Variants in NOTCH3 observed in about 807,000 individuals in gnomAD.
NOTCH3 encodes the protein neurogenic locus notch homolog protein 3.
In NOTCH3, 86 loss-of-function variants were observed where a neutral mutation model predicts 213.3. That is an observed-to-expected ratio of 0.40 (90% CI 0.34 to 0.48). The LOEUF is 0.48. Ranked by LOEUF, NOTCH3 falls within the 20% of genes least tolerant of loss-of-function variation. The pLI is 0.57. For missense variants in NOTCH3, 2,783 were observed against 3,272.6 expected, an observed-to-expected ratio of 0.85 and a Z score of 3.65; for synonymous variants, 1,354 against 1,355.9, an observed-to-expected ratio of 1.00 and a Z score of 0.03.
chr19:15,178,292 C>A (rs1045859551), intron 23 of NOTCH3: 1 of 539,682 alleles, frequency 1.9e-6, no homozygotes, highest in Non-Finnish European at 3.3e-6. Context: ...GGAGACCCCA[C>A]CTGGCAGATA....
chr19:15,192,956 C>T (rs1036881141), intron 2 of NOTCH3, among the ~76,000 whole-genome samples: 1 of 151,998 alleles, frequency 6.6e-6, no homozygotes, highest in Non-Finnish European at 1.5e-5. Flanking sequence ...ATTCATGCAA[C>T]GAATATTTAC....
chr19:15,170,869 C>G (rs199899229), intron 25 of NOTCH3, 44 bp from the exon 26 acceptor site: 2 of 1,603,192 alleles, frequency 1.2e-6, no homozygotes, highest in Non-Finnish European at 8.5e-7. Flanking sequence ...AAAAATTGCC[C>G]GATGCACCCC....
At chr19:15,188,131 T>G in intron 9 of NOTCH3, 104 bp downstream of exon 9, 2 of 1,067,838 alleles carry the variant, frequency 1.9e-6, no homozygotes, top group Non-Finnish European at 2.8e-6. Context: ...ACATATGGTT[T>G]CTATTGTAAG....
intron 12 of NOTCH3, among the ~76,000 whole-genome samples, chr19:15,186,376 TG>T (rs1183893607): frequency 5.6e-4 from 33 of 58,848 alleles, no homozygotes; most frequent in East Asian, 1.8e-3. Context: ...TGTTTGTTTT[TG>T]TATGTGTGTG....
At position 15,179,081 on chromosome 19, in the gene NOTCH3, T is replaced by C. The variant is rs2145417484; in HGVS notation, c.3662A>G (p.Asp1221Gly). The C allele has an allele frequency of 6.2e-7, 1 of 1,614,222 alleles. No individual in the cohort carries two copies. The highest frequency in any genetic ancestry group is 8.5e-7 in the Non-Finnish European group (1 of 1,180,042). ...ACCTCCGCCTGGGTCCTGCAGGCAG[T>C]CCCGGGTGTGTGCCGCGTGGCAGGC... ...SGACHAAHTR[D>G]CLQDPGGGFR... The change falls in exon 22 of 33, where the codon GAC becomes GGC. Residue 1221 changes from aspartate (D) to glycine (G), a missense_variant. Asp to Gly is a moderately conservative substitution (Grantham distance 94). Coordinates refer to ENST00000263388, the MANE Select transcript of NOTCH3 (RefSeq NM_000435.3).
At chr19:15,187,020 A>G in intron 11 of NOTCH3, 32 bp from the exon 12 acceptor site, 1 of 1,608,434 alleles carries the variant, frequency 6.2e-7, no homozygotes, top group South Asian at 1.1e-5. Context: ...TGGAGTGGCC[A>G]CCACTGTGCC....
In NOTCH3 at chr19:15,165,470, C is replaced by G. The variant is rs764558842; in HGVS notation, c.5713G>C (p.Asp1905His). 1.9e-6 allele frequency: 3 copies of G among 1,613,082 alleles called. No homozygotes were observed. The highest frequency in any genetic ancestry group is 2.5e-6 in the Non-Finnish European group (3 of 1,180,036). ...GCCAGGATCAGTGCCGTTGAGCCATCTGCCATGCGGGCATCCAAGTCTGTA... is the reference window on the plus strand; with the variant it reads ...GCCAGGATCAGTGCCGTTGAGCCATGTGCCATGCGGGCATCCAAGTCTGTA... ...RSTDLDARMA[D>H]GSTALILAAR... Residue 1905 changes from aspartate to histidine, a missense_variant, in exon 31 of 33, where the codon GAT (aspartate) becomes CAT (histidine). Transcript: ENST00000263388. This position sits in a 1 kb window ranked among gnomAD's most constrained non-coding sequence, Gnocchi z 4.7.
chr19:15,199,712 C>T (rs1008912494), intron 1 of NOTCH3, among the ~76,000 whole-genome samples: 1 of 152,210 alleles, frequency 6.6e-6, no homozygotes, highest in African/African-American at 2.4e-5. Context: ...GTGTGTGCGC[C>T]GCTGGTCCGG....
At chr19:15,197,446 T>TC (rs974383255) in intron 2 of NOTCH3, 54 bp downstream of exon 2, 78 of 468,756 alleles carry the variant, frequency 1.7e-4, no homozygotes, top group Middle Eastern at 4.2e-4. Context: ...AAATCGCCCC[T>TC]CCCCCCCGCC....
intron 28 of NOTCH3, 109 bp from the exon 29 acceptor site, chr19:15,167,520 C>T (rs2046696045): frequency 2.1e-6 from 2 of 939,010 alleles, no homozygotes; most frequent in African/African-American, 1.6e-5. Flanking sequence ...AGGAGATACA[C>T]ACAGAGCCCT....
rs1037498650 is a variant in NOTCH3, at chr19:15,161,182, C to T, written c.6446G>A (p.Gly2149Glu). The stretch of plus-strand genomic sequence containing the variant: ...TACACATCCTCCAGGGGGCTGGCGC[C>T]CTAGACCCGCCCGGCCTGGGCCACC... ...QLGGPGRAGL[G>E]RQPPGGCVLS... The change falls in exon 33 of 33, where the codon GGG becomes GAG. Residue 2149 changes from glycine (G) to glutamate (E), a missense_variant. Gly to Glu is a moderately conservative substitution (Grantham distance 98). Transcript: ENST00000263388. 3.9e-6 allele frequency: 6 copies of T among 1,539,536 alleles called. No individual in the cohort carries two copies. Among genetic ancestry groups the T allele is most frequent in the African/African-American group, 1.4e-5 (1 of 73,378 alleles).
Position 15,160,409 on chromosome 19 carries a change from TGG to T in NOTCH3, c.*251_*252del. The stretch of plus-strand genomic sequence containing the variant: ...AGAAAGGAATGAGGGAAGAGAGAAG[TGG>T]GGAAGAAGGAGGTCCCAGACTCTTC... On this transcript the variant is annotated 3_prime_UTR_variant, in exon 33 of 33. Transcript: ENST00000263388. The T allele has an allele frequency of 5.7e-6, 3 of 529,258 alleles. No individual in the cohort carries two copies. The highest frequency in any genetic ancestry group is 1.0e-5 in the Non-Finnish European group (3 of 296,736). The allele number at this position is 529,258 out of a possible 1,614,324, so 32.8% of individuals were successfully genotyped here.
chr19:15,184,736 C>T (rs943548571), intron 15 of NOTCH3, among the ~76,000 whole-genome samples, 170 bp downstream of exon 15: 1 of 152,214 alleles, frequency 6.6e-6, no homozygotes, highest in African/African-American at 2.4e-5. Context: ...CTTCCAAGGG[C>T]TGACCCACAC....
At chr19:15,175,533 T>TTA (rs2046780238) in intron 24 of NOTCH3, among the ~76,000 whole-genome samples, 1 of 44,236 alleles carries the variant, frequency 2.3e-5, no homozygotes, top group African/African-American at 9.6e-5. Flanking sequence ...AAATCCTGTC[T>TTA]AAAAAAAAAA....
intron 16 of NOTCH3, among the ~76,000 whole-genome samples, chr19:15,183,409 T>TTTGTTTGTTTGC (rs1208637420): frequency 6.6e-6 from 1 of 151,998 alleles, no homozygotes; most frequent in African/African-American, 2.4e-5. Flanking sequence ...TGTTTGTTTG[T>TTTGTTTGTTTGC]TCGTTTTTGA....
Position 15,161,409 on chromosome 19 carries a change from C to T in NOTCH3, c.6219G>A (p.Gly2073=), listed in dbSNP as rs1319186048. 1.5e-5 allele frequency: 23 copies of T among 1,526,966 alleles called. No homozygotes were observed. Among genetic ancestry groups the T allele is most frequent in the East Asian group, 2.5e-5 (1 of 40,708 alleles). The allele number at this position is 1,526,966 out of a possible 1,614,324, so 94.6% of individuals were successfully genotyped here. ...TGCCCCGCCCCCGGGGCCCCTGCGGCCCCAGCCCCGCCTTCCCGGGGGGCC... is the reference window on the plus strand; with the variant it reads ...TGCCCCGCCCCCGGGGCCCCTGCGGTCCCAGCCCCGCCTTCCCGGGGGGCC... ...SRRPPGKAGL[G]PQGPRGRGKK... is the part of the protein sequence containing the mutation. The change falls in exon 33 of 33, where the codon GGG becomes GGA. Residue 2073 remains glycine, a synonymous_variant. Transcript: ENST00000263388.
Position 15,160,130 on chromosome 19 carries a change from C to T in NOTCH3, c.*532G>A. The stretch of plus-strand genomic sequence containing the variant: ...GGGTCGTGTACTCGGTACACGGGAT[C>T]CCAGTCATGCCTGTGTACTAGGTAC... On this transcript the variant is annotated 3_prime_UTR_variant, in exon 33 of 33. Coordinates refer to ENST00000263388, the MANE Select transcript of NOTCH3 (RefSeq NM_000435.3). The T allele has an allele frequency of 4.3e-6, 1 of 235,288 alleles. No individual in the cohort carries two copies. The highest frequency in any genetic ancestry group is 8.4e-6 in the Non-Finnish European group (1 of 119,440). The allele number at this position is 235,288 out of a possible 1,614,324, so 14.6% of individuals were successfully genotyped here.
Position 15,181,591 on chromosome 19 carries a change from G to C in NOTCH3, c.2777C>G (p.Pro926Arg), listed in dbSNP as rs1381908152. ...CCCCGCCCACCTGGGGCTGCAGTCG[G>C]GCAGGTCCTGTTCGCAGTGGAAGCC... ...YGGFHCEQDL[P>R]DCSPSSCFNG... Residue 926 changes from proline to arginine, a missense_variant, in exon 17 of 33, where the codon CCC (proline) becomes CGC (arginine). By Grantham distance (103) the Pro-to-Arg change is moderately radical (BLOSUM62 -2). Around this residue, in one of 6 missense-constraint regions of NOTCH3, gnomAD observed 861 missense variants for 909.1 expected, o/e 0.95. Transcript: ENST00000263388. 1.3e-6 allele frequency: 2 copies of C among 1,550,356 alleles called. No homozygotes were observed. Among genetic ancestry groups the C allele is most frequent in the Non-Finnish European group, 1.7e-6 (2 of 1,146,650 alleles).
In NOTCH3 at chr19:15,165,807, C is replaced by T. The variant is rs1568347508; in HGVS notation, c.5647G>A (p.Asp1883Asn). ...CTCACCTGGAAGACACCCTGGGCAT[C>T]GGCTGTGACAGCTGTGTGCAGGGGA... is the stretch of plus-strand genomic sequence containing the variant. Reference protein sequence around the residue: ...RTPLHTAVTADAQGVFQILIR... With the variant: ...RTPLHTAVTANAQGVFQILIR... The change falls in exon 30 of 33, where the codon GAT (aspartate) becomes AAT (asparagine). Residue 1883 changes from aspartate (D) to asparagine (N), a missense_variant. By Grantham distance (23) the Asp-to-Asn change is conservative. Coordinates refer to ENST00000263388, the MANE Select transcript of NOTCH3 (RefSeq NM_000435.3). This position sits in a 1 kb window ranked among gnomAD's most constrained non-coding sequence, Gnocchi z 4.7. The T allele has an allele frequency of 1.9e-6, 3 of 1,613,000 alleles. No individual in the cohort carries two copies. The highest frequency in any genetic ancestry group is 1.7e-6 in the Non-Finnish European group (2 of 1,180,026).
Sources: gnomAD v4.1 joint callset for allele counts (sites outside exome capture counted in the v4.1 genomes callset) on GRCh38, gnomAD v4.1.1 for gene constraint, gnomAD v4.1.1 regional missense constraint, Gnocchi (gnomAD v3.1) non-coding constraint, MANE v1.5 for transcripts, NCBI Gene and HGNC (gene_info 2026-07-23, HGNC 2026-07-21) for gene names.